The following CYTH1 variants were observed in gnomAD, a reference collection of about 807,000 sequenced individuals.
CYTH1 encodes cytohesin-1.
A neutral mutation model predicts 61.8 loss-of-function variants in CYTH1; 18 were observed. That is an observed-to-expected ratio of 0.29 (90% CI 0.20 to 0.43). The LOEUF (loss-of-function observed/expected upper bound fraction) is 0.43. Among genes scored for constraint, CYTH1 ranks in the 20% least tolerant of loss-of-function variants. CYTH1 has a pLI of 1.00. For missense variants in CYTH1, 336 were observed against 510.5 expected, an observed-to-expected ratio of 0.66 and a Z score of 3.29; for synonymous variants, 174 against 184.3, an observed-to-expected ratio of 0.94 and a Z score of 0.45.
At chr17:78,749,553 C>A (rs2093371733) in intron 1 of CYTH1, among the ~76,000 whole-genome samples, 1 of 151,920 alleles carries the variant, frequency 6.6e-6, no homozygotes, top group Admixed American at 6.6e-5. Flanking sequence ...ATTGCTTGAG[C>A]CCACAGGTCA....
Position 78,760,519 on chromosome 17 carries a change from ATATATATATAT to A in CYTH1, c.22+21672_22+21682del, listed in dbSNP as rs2093423106. 4.2e-5 allele frequency among the ~76,000 whole-genome samples: 2 copies of A among 47,594 alleles called. 1 individual carries two copies. Among genetic ancestry groups the A allele is most frequent in the Admixed American group, 4.7e-4 (2 of 4,276 alleles). 31.2% of individuals were successfully genotyped at this position (47,594 alleles called of 152,430 possible). ...TATACATATATATGTATATATATGT[ATATATATATAT>A]ACATACATATATATGTATATATATA... On this transcript the variant is annotated intron_variant, in intron 1 of 13. Transcript: ENST00000446868.
intron 1 of CYTH1, among the ~76,000 whole-genome samples, chr17:78,771,890 C>T (rs539239983): frequency 6.6e-6 from 1 of 152,230 alleles, no homozygotes; most frequent in African/African-American, 2.4e-5. Context: ...GTCACGCTAT[C>T]CTGGATAATG....
intron 1 of CYTH1, among the ~76,000 whole-genome samples, chr17:78,718,218 T>TAC (rs55803104): frequency 0.053 from 6,809 of 128,254 alleles, 267 homozygotes; most frequent in African/African-American, 0.12. Context: ...AAACACTGAA[T>TAC]ACACACACAC....
chr17:78,734,590 C>T lies in CYTH1; in HGVS notation c.23-24858G>A, dbSNP rs1284531283. Among the ~76,000 whole-genome samples, 4 of 151,842 alleles carry T rather than the reference C, an allele frequency of 2.6e-5. No homozygotes were observed. The East Asian group carries it at 7.8e-4, about 30-fold the overall frequency. ...AAGTAGCTGGGATTACGGGCTCCTG[C>T]CACCACACCCGGCTAATTTTTGTAT... On this transcript the variant is annotated intron_variant, in intron 1 of 13. Coordinates refer to ENST00000446868, the MANE Select transcript of CYTH1 (RefSeq NM_004762.6).
chr17:78,734,907 C>T (rs117508703), intron 1 of CYTH1, among the ~76,000 whole-genome samples: 2,933 of 152,260 alleles, frequency 0.019, 46 homozygotes, highest in Middle Eastern at 0.044. Flanking sequence ...ATAACTGACT[C>T]TTAACTTCTG....
chr17:78,716,703 A>G (rs752762128), intron 1 of CYTH1, among the ~76,000 whole-genome samples: 2 of 152,228 alleles, frequency 1.3e-5, no homozygotes, highest in Non-Finnish European at 2.9e-5. Context: ...AAACTTAACA[A>G]TGCAACATCA....
chr17:78,736,673 G>C (rs774454535), intron 1 of CYTH1: 2 of 389,406 alleles, frequency 5.1e-6, no homozygotes, highest in Middle Eastern at 3.7e-4. Context: ...CCCGGCCGGG[G>C]GCTGCGGCTT....
intron 10 of CYTH1, among the ~76,000 whole-genome samples, chr17:78,692,736 G>A (rs546021745): frequency 2.0e-5 from 3 of 152,056 alleles, no homozygotes; most frequent in Non-Finnish European, 2.9e-5. Context: ...AGATGGAATC[G>A]GGACGGCAGG....
Position 78,761,055 on chromosome 17 carries a change from C to T in CYTH1, c.22+21147G>A, listed in dbSNP as rs141806925. ...TTCAACATGTTGGTCAGGCTGGTCT[C>T]GAACTCCCGACCTTGTGATCCACCC... On this transcript the variant is annotated intron_variant, in intron 1 of 13. Transcript: ENST00000446868. 2.9e-3 allele frequency among the ~76,000 whole-genome samples: 438 copies of T among 151,390 alleles called. 1 individual carries two copies. Among genetic ancestry groups the T allele is most frequent in the African/African-American group, 9.9e-3 (411 of 41,456 alleles).
intron 1 of CYTH1, among the ~76,000 whole-genome samples, chr17:78,767,148 A>AG (rs2093451965): frequency 6.6e-6 from 1 of 152,150 alleles, no homozygotes; most frequent in Non-Finnish European, 1.5e-5. Context: ...TCATCCCAGT[A>AG]GGTAACTGCC....
At chr17:78,763,849 G>A (rs946326710) in intron 1 of CYTH1, among the ~76,000 whole-genome samples, 5 of 152,140 alleles carry the variant, frequency 3.3e-5, no homozygotes, top group South Asian at 2.1e-4. Context: ...AGTGGCTCAC[G>A]CCTGTAATCC....
chr17:78,777,026 G>A (rs1170952450), intron 1 of CYTH1, among the ~76,000 whole-genome samples: 3 of 152,118 alleles, frequency 2.0e-5, no homozygotes, highest in Non-Finnish European at 4.4e-5. Context: ...TTGGGAGGCT[G>A]AGGCAGGAGA....
At chr17:78,770,459 C>T (rs915953999) in intron 1 of CYTH1, among the ~76,000 whole-genome samples, 1 of 151,864 alleles carries the variant, frequency 6.6e-6, no homozygotes, top group Non-Finnish European at 1.5e-5. Flanking sequence ...CACTCTGTCA[C>T]CCAGGCGGGA....
intron 1 of CYTH1, among the ~76,000 whole-genome samples, chr17:78,763,082 G>A (rs531869365): frequency 6.6e-5 from 10 of 152,112 alleles, no homozygotes; most frequent in Admixed American, 1.3e-4. Flanking sequence ...GGTGGCTCAC[G>A]CCTGTAATCC....
At chr17:78,761,509 C>A (rs570909643) in intron 1 of CYTH1, among the ~76,000 whole-genome samples, 6 of 152,112 alleles carry the variant, frequency 3.9e-5, no homozygotes, top group African/African-American at 1.4e-4. Flanking sequence ...GAGGCCGAGG[C>A]GGGCGGATCA....
intron 1 of CYTH1, among the ~76,000 whole-genome samples, chr17:78,720,142 C>G (rs916738309): frequency 6.6e-6 from 1 of 151,674 alleles, no homozygotes; most frequent in Admixed American, 6.6e-5. Flanking sequence ...TTCAGTTTTG[C>G]AAGATGAAAA....
intron 1 of CYTH1, among the ~76,000 whole-genome samples, chr17:78,728,137 C>T (rs926801363): frequency 6.6e-6 from 1 of 152,192 alleles, no homozygotes; most frequent in African/African-American, 2.4e-5. Flanking sequence ...GTTCCTGCAG[C>T]AGGGCCAGCC....
Position 78,727,516 on chromosome 17 carries a change from T to C in CYTH1, c.23-17784A>G, listed in dbSNP as rs935602953. The C allele has an allele frequency of 6.2e-5, 20 of 320,438 alleles. No homozygotes were observed. In the Middle Eastern group the frequency reaches 1.6e-3, roughly 26 times the overall value. 19.8% of individuals were successfully genotyped at this position (320,438 alleles called of 1,614,324 possible). A position where few individuals can be genotyped will look rare whatever the true frequency, so the allele number is the denominator to read the frequency against. ...TCAAAATAGAAACAAACTGGCTCCC[T>C]GTTCCAGACATCACCCTTACCAGAG... On this transcript the variant is annotated intron_variant, in intron 1 of 13. Transcript: ENST00000446868.
chr17:78,679,597 G>A (rs186675356), intron 13 of CYTH1, among the ~76,000 whole-genome samples: 7 of 152,160 alleles, frequency 4.6e-5, no homozygotes, highest in African/African-American at 9.7e-5. Context: ...TTCCAGCCCC[G>A]TGATAGACCT....
Sources: allele counts gnomAD v4.1 joint callset (sites outside exome capture counted in the v4.1 genomes callset), GRCh38; gene constraint gnomAD v4.1.1; transcripts MANE v1.5; gene names NCBI Gene and HGNC (gene_info 2026-07-23, HGNC 2026-07-21).